Variants in VIT observed in about 807,000 individuals in gnomAD.
The protein encoded by VIT is vitrin.
VIT carries 99 observed loss-of-function variants against 78.0 expected under a neutral mutation model. The ratio of observed to expected loss-of-function variants is 1.27; its 90% CI spans 1.08 to 1.50. VIT has a LOEUF of 1.50. VIT is among the 40% of genes most tolerant of loss of function. The pLI is 0.00. For missense variants in VIT, 1,126 were observed against 875.3 expected, an observed-to-expected ratio of 1.29 and a Z score of -3.61; for synonymous variants, 374 against 334.3, an observed-to-expected ratio of 1.12 and a Z score of -1.29.
In VIT at chr2:36,777,726, C is replaced by G. The variant is rs1455298153; in HGVS notation, c.802+2659C>G. 2.6e-5 allele frequency among the ~76,000 whole-genome samples: 4 copies of G among 152,192 alleles called. No homozygotes were observed. The East Asian group carries it at 7.7e-4, about 29-fold the overall frequency. On this transcript the variant is annotated intron_variant, in intron 9 of 15. Coordinates refer to ENST00000379242, the MANE Select transcript of VIT (RefSeq NM_053276.4). ...GCCCACACTGGAAAATCACATATCT[C>G]TATTAAATCCTTCCTTCGTTTAGTC...
chr2:36,798,606 C>A (rs74177062), intron 12 of VIT, among the ~76,000 whole-genome samples: 106,616 of 151,190 alleles, frequency 0.71, 37,926 homozygotes, highest in Admixed American at 0.82. Context: ...AATACAAAAA[C>A]AAATAAGCCA....
chr2:36,700,740 A>AAATAAT (rs35617030), intron 1 of VIT, among the ~76,000 whole-genome samples: 16 of 150,722 alleles, frequency 1.1e-4, no homozygotes, highest in Admixed American at 7.9e-4. Flanking sequence ...TATCTCAATT[A>AAATAAT]AATAATAATA....
chr2:36,714,984 C>T (rs774915776), intron 1 of VIT, among the ~76,000 whole-genome samples: 2 of 152,220 alleles, frequency 1.3e-5, no homozygotes, highest in Admixed American at 6.5e-5. Flanking sequence ...ATTGCACTCT[C>T]CAACATCTGG....
chr2:36,770,450 G>T (rs1027539384), intron 7 of VIT, among the ~76,000 whole-genome samples: 1 of 152,224 alleles, frequency 6.6e-6, no homozygotes, highest in African/African-American at 2.4e-5. Context: ...AGCTGATGCA[G>T]GTGGAAGGTG....
intron 9 of VIT, among the ~76,000 whole-genome samples, chr2:36,778,632 T>C (rs1413036553): frequency 6.6e-6 from 1 of 152,214 alleles, no homozygotes; most frequent in Non-Finnish European, 1.5e-5. Flanking sequence ...CATGATGGCT[T>C]ACGCCCAGGA....
At chr2:36,735,067 G>T (rs1474665166) in intron 3 of VIT, among the ~76,000 whole-genome samples, 4 of 152,094 alleles carry the variant, frequency 2.6e-5, no homozygotes, top group African/African-American at 9.7e-5. Flanking sequence ...GGGAGGCTGA[G>T]GCAGAATTGC....
intron 3 of VIT, 78 bp downstream of exon 3, chr2:36,729,569 A>G: frequency 4.0e-6 from 6 of 1,487,552 alleles, no homozygotes; most frequent in South Asian, 1.3e-5. Context: ...GTTTTAGGTA[A>G]TTTTTGTTTT....
At chr2:36,768,783 A>G (rs534606843) in intron 7 of VIT, among the ~76,000 whole-genome samples, 1 of 152,358 alleles carries the variant, frequency 6.6e-6, no homozygotes, top group Non-Finnish European at 1.5e-5. Context: ...TGCTCAGCAC[A>G]GCCAACTTCT....
Position 36,791,943 on chromosome 2 carries a change from A to T in VIT, c.1058+4667A>T, listed in dbSNP as rs112929681. Among the ~76,000 whole-genome samples, 1,165 of 152,276 alleles carry T rather than the reference A, an allele frequency of 7.7e-3. 13 individuals carry two copies. Among genetic ancestry groups the T allele is most frequent in the African/African-American group, 0.027 (1,135 of 41,544 alleles). ...ATTCTCTGAGTCTGCAGCCAAAAAAAAAGGGAGTGGGAGGGGCTGGGGCAT... is the reference window on the plus strand; with the variant it reads ...ATTCTCTGAGTCTGCAGCCAAAAAATAAGGGAGTGGGAGGGGCTGGGGCAT... On this transcript the variant is annotated intron_variant, in intron 12 of 15. Transcript: ENST00000379242.
intron 12 of VIT, 89 bp from the exon 13 acceptor site, chr2:36,801,212 T>G (rs1248361125): frequency 8.4e-7 from 1 of 1,186,818 alleles, no homozygotes; most frequent in African/African-American, 1.5e-5. Flanking sequence ...AGCTTCTATT[T>G]GTATATAAAA....
intron 8 of VIT, among the ~76,000 whole-genome samples, chr2:36,774,112 G>C (rs962024162): frequency 1.3e-5 from 2 of 152,088 alleles, no homozygotes; most frequent in Non-Finnish European, 2.9e-5. Context: ...TCAGTAACCG[G>C]GCTCTTACAG....
At chr2:36,727,830 G>T (rs1265475441) in intron 2 of VIT, among the ~76,000 whole-genome samples, 3 of 152,152 alleles carry the variant, frequency 2.0e-5, no homozygotes, top group Non-Finnish European at 4.4e-5. Context: ...CTACTGAGCC[G>T]CCAGCTGCCA....
chr2:36,724,061 C>G (rs943215578), intron 2 of VIT, among the ~76,000 whole-genome samples: 5 of 151,712 alleles, frequency 3.3e-5, no homozygotes, highest in African/African-American at 1.2e-4. Flanking sequence ...TCTTGTTGCC[C>G]AGGCTGGAGT....
intron 5 of VIT, among the ~76,000 whole-genome samples, chr2:36,755,312 T>A (rs901014623): frequency 6.6e-6 from 1 of 152,230 alleles, no homozygotes; most frequent in Non-Finnish European, 1.5e-5. Context: ...CCAATCAGAT[T>A]TTTAATTACA....
Position 36,814,380 on chromosome 2 carries a change from A to G in VIT, c.*19A>G. 7 of 1,613,064 alleles carry G rather than the reference A, an allele frequency of 4.3e-6. No individual in the cohort carries two copies. The highest frequency in any genetic ancestry group is 5.9e-6 in the Non-Finnish European group (7 of 1,179,358). Reference sequence around the variant, plus strand: ...GAACTGAATTCAGAGCAGGCAGAGCACCAGCAAGTGCTGCTTTACTAACTG... The same window carrying G: ...GAACTGAATTCAGAGCAGGCAGAGCGCCAGCAAGTGCTGCTTTACTAACTG... On this transcript the variant is annotated 3_prime_UTR_variant, in exon 16 of 16. Transcript: ENST00000379242.
At position 36,808,694 on chromosome 2, in the gene VIT, A is replaced by G. The variant is rs767455602; in HGVS notation, c.1612A>G (p.Lys538Glu). ...TVLQFVTNLTKEFEISDTDTR... is the reference protein window; with the variant it reads ...TVLQFVTNLTEEFEISDTDTR... The stretch of plus-strand genomic sequence containing the variant: ...CCTCCAGTTTGTGACCAACCTCACC[A>G]AAGAGTTTGAGATTTCCGACACGGA... The change falls in exon 15 of 16, where the codon AAA becomes GAA. Residue 538 changes from lysine to glutamate, a missense_variant. Lys to Glu is a moderately conservative substitution (Grantham distance 56). Transcript: ENST00000379242. 4 of 1,614,198 alleles carry G rather than the reference A, an allele frequency of 2.5e-6. No homozygotes were observed. The highest frequency in any genetic ancestry group is 3.4e-6 in the Non-Finnish European group (4 of 1,180,026).
At chr2:36,726,515 C>G (rs1334117495) in intron 2 of VIT, among the ~76,000 whole-genome samples, 1 of 152,008 alleles carries the variant, frequency 6.6e-6, no homozygotes, top group Non-Finnish European at 1.5e-5. Flanking sequence ...TAAAAACAGC[C>G]AACATTCACT....
At chr2:36,763,716 A>G (rs1197267756) in intron 6 of VIT, among the ~76,000 whole-genome samples, 1 of 150,276 alleles carries the variant, frequency 6.7e-6, no homozygotes, top group Non-Finnish European at 1.5e-5. Context: ...CAGCCTCTGG[A>G]GTAACTAGGA....
At chr2:36,809,113 G>A in intron 15 of VIT, 128 bp downstream of exon 15, 1 of 1,299,848 alleles carries the variant, frequency 7.7e-7, no homozygotes, top group Non-Finnish European at 1.0e-6. Context: ...AATGTTCAAA[G>A]CCGCAGGGAG....
Sources: gnomAD v4.1 joint callset for allele counts (sites outside exome capture counted in the v4.1 genomes callset) on GRCh38, gnomAD v4.1.1 for gene constraint, MANE v1.5 for transcripts, NCBI Gene and HGNC (gene_info 2026-07-23, HGNC 2026-07-21) for gene names.